The following NFIB variants were observed in gnomAD, a reference collection of about 807,000 sequenced individuals.
NFIB encodes the protein nuclear factor 1 B-type.
In NFIB, 11 loss-of-function variants were observed where a neutral mutation model predicts 61.5. The observed-to-expected ratio is 0.18, with a 90% confidence interval of 0.11 to 0.30. The LOEUF (loss-of-function observed/expected upper bound fraction) is 0.30. NFIB is among the 10% of genes least tolerant of loss of function. The probability of loss-of-function intolerance (pLI) is 1.00; values close to 1 mark genes in which losing one functional copy is unlikely to be tolerated. For missense variants in NFIB, 471 were observed against 608.9 expected, an observed-to-expected ratio of 0.77 and a Z score of 2.38; for synonymous variants, 260 against 216.5, an observed-to-expected ratio of 1.20 and a Z score of -1.76.
intron 1 of NFIB, chr9:14,321,926 T>G: frequency 3.2e-6 from 4 of 1,231,592 alleles, no homozygotes; most frequent in Non-Finnish European, 4.0e-6. Context: ...AACCCATCAG[T>G]TCAAAGCCAC....
chr9:14,459,846 A>G, the NFIB span, among the ~76,000 whole-genome samples: 1 of 151,144 alleles, frequency 6.6e-6, no homozygotes. Flanking sequence ...TAGAATGGCG[A>G]TCATTAAAAA....
intron 1 of NFIB, among the ~76,000 whole-genome samples, chr9:14,389,943 T>C (rs760361502): frequency 6.6e-6 from 1 of 152,200 alleles, no homozygotes; most frequent in East Asian, 1.9e-4. Flanking sequence ...TTCCATTAGA[T>C]TTCTCAAAAC....
chr9:14,295,504 G>T, intron 2 of NFIB, among the ~76,000 whole-genome samples: 1 of 151,940 alleles, frequency 6.6e-6, no homozygotes, highest in East Asian at 1.9e-4. Context: ...GGGGAAGGGC[G>T]CCTGTAGTCC....
intron 2 of NFIB, among the ~76,000 whole-genome samples, chr9:14,212,883 A>G (rs1295911828): frequency 6.6e-6 from 1 of 152,232 alleles, no homozygotes; most frequent in Non-Finnish European, 1.5e-5. Flanking sequence ...CAGAGATTAA[A>G]TGTTTTACCC....
At chr9:14,126,170 G>A (rs1052617118) in intron 6 of NFIB, among the ~76,000 whole-genome samples, 1 of 152,076 alleles carries the variant, frequency 6.6e-6, no homozygotes, top group Non-Finnish European at 1.5e-5. Context: ...CAACCTTCAG[G>A]TATGTTGGTC....
the NFIB span, among the ~76,000 whole-genome samples, chr9:14,431,664 A>C: frequency 6.7e-6 from 1 of 149,610 alleles, no homozygotes; most frequent in East Asian, 1.9e-4. Context: ...GAGAGCTTAG[A>C]TAACTTGCCC....
At chr9:14,502,426 A>C in the NFIB span, among the ~76,000 whole-genome samples, 1 of 152,232 alleles carries the variant, frequency 6.6e-6, no homozygotes, top group Non-Finnish European at 1.5e-5. Context: ...GAGAAGATTA[A>C]GAATCTGGCC....
Position 14,236,623 on chromosome 9 carries a change from G to A in NFIB, c.563-56843C>T, listed in dbSNP as rs959054959. On this transcript the variant is annotated intron_variant, in intron 2 of 10. Transcript: ENST00000380953. Reference sequence around the variant, plus strand: ...TCTTAATAGACCAGACAGTCCTCACGTCATTGCTACAATTAAATTCCAGAG... The same window carrying A: ...TCTTAATAGACCAGACAGTCCTCACATCATTGCTACAATTAAATTCCAGAG... Among the ~76,000 whole-genome samples the A allele has an allele frequency of 3.3e-5, 5 of 152,152 alleles. No individual in the cohort carries two copies. The South Asian group carries it at 6.2e-4, about 19-fold the overall frequency.
In NFIB at chr9:14,313,864, TGGGGTGTA is replaced by T; in HGVS notation, c.-361_-354del. ...TCTATTTTGCAGTTGTTGTTGTTGT[TGGGGTGTA>T]GGGGGTGCGCGAAGGTTCGGTGTGG... On this transcript the variant is annotated 5_prime_UTR_variant, in exon 1 of 11. Coordinates refer to ENST00000380953, the MANE Select transcript of NFIB (RefSeq NM_001190737.2). This position sits in a 1 kb window ranked among gnomAD's most constrained non-coding sequence, Gnocchi z 4.5. The T allele has an allele frequency of 2.5e-6, 3 of 1,192,550 alleles. No individual in the cohort carries two copies. The highest frequency in any genetic ancestry group is 3.1e-6 in the Non-Finnish European group (3 of 957,102). The allele number at this position is 1,192,550 out of a possible 1,614,324, so 73.9% of individuals were successfully genotyped here.
chr9:14,512,225 C>T, the NFIB span, among the ~76,000 whole-genome samples: 1 of 152,180 alleles, frequency 6.6e-6, no homozygotes, highest in African/African-American at 2.4e-5. Flanking sequence ...TGAGGAAACA[C>T]TTCTCAAACC....
At chr9:14,091,195 A>G (rs1587072704) in intron 10 of NFIB, among the ~76,000 whole-genome samples, 1 of 151,936 alleles carries the variant, frequency 6.6e-6, no homozygotes, top group African/African-American at 2.4e-5. Flanking sequence ...CTTATTGCCA[A>G]TTTAAGTTCA....
chr9:14,433,589 G>T, the NFIB span, among the ~76,000 whole-genome samples: 1 of 152,084 alleles, frequency 6.6e-6, no homozygotes, highest in African/African-American at 2.4e-5. Context: ...AATAATTCAG[G>T]GTTGTTATTA....
At chr9:14,117,010 T>C (rs1277236308) in intron 8 of NFIB, among the ~76,000 whole-genome samples, 1 of 152,188 alleles carries the variant, frequency 6.6e-6, no homozygotes, top group African/African-American at 2.4e-5. Context: ...TAGAATAAGA[T>C]GTAAAGCATC....
chr9:14,371,229 T>G (rs2061355296), intron 1 of NFIB, among the ~76,000 whole-genome samples: 1 of 152,242 alleles, frequency 6.6e-6, no homozygotes, highest in South Asian at 2.1e-4. Flanking sequence ...CTCTGGAACT[T>G]TTCATATCTT....
the NFIB span, among the ~76,000 whole-genome samples, chr9:14,469,198 T>G: frequency 1.3e-5 from 2 of 152,166 alleles, no homozygotes; most frequent in East Asian, 3.8e-4. Context: ...CTGTGCAAAC[T>G]GAACCTAGTA....
intron 1 of NFIB, among the ~76,000 whole-genome samples, chr9:14,375,433 G>A (rs1434531758): frequency 6.6e-6 from 1 of 152,164 alleles, no homozygotes; most frequent in Non-Finnish European, 1.5e-5. Context: ...CAAGGTGGGT[G>A]GATCACAAGG....
chr9:14,493,259 T>C, the NFIB span, among the ~76,000 whole-genome samples: 10 of 152,330 alleles, frequency 6.6e-5, no homozygotes, highest in East Asian at 1.7e-3. Context: ...GATATTGTCA[T>C]GATTTTGATG....
the NFIB span, among the ~76,000 whole-genome samples, chr9:14,489,914 C>A: frequency 6.6e-6 from 1 of 152,008 alleles, no homozygotes; most frequent in East Asian, 1.9e-4. Flanking sequence ...TATCTTACCC[C>A]ATTGATGGAT....
intron 2 of NFIB, among the ~76,000 whole-genome samples, chr9:14,217,757 T>G (rs911227658): frequency 6.6e-6 from 1 of 151,882 alleles, no homozygotes; most frequent in Non-Finnish European, 1.5e-5. Flanking sequence ...ACACTCATAT[T>G]GCTAATTATC....
Sources: gnomAD v4.1 joint callset for allele counts (sites outside exome capture counted in the v4.1 genomes callset) on GRCh38, gnomAD v4.1.1 for gene constraint, Gnocchi (gnomAD v3.1) non-coding constraint, MANE v1.5 for transcripts, NCBI Gene and HGNC (gene_info 2026-07-23, HGNC 2026-07-21) for gene names.